RARB: variants seen among roughly 807,000 people sequenced by gnomAD.
The protein encoded by RARB is retinoic acid receptor beta, also known as HBV-activated protein.
A neutral mutation model predicts 51.9 loss-of-function variants in RARB; 17 were observed. The observed-to-expected ratio is 0.33, with a 90% CI of 0.22 to 0.49. RARB has a LOEUF of 0.49. Among genes scored for constraint, RARB ranks in the 20% least tolerant of loss-of-function variants. The pLI is 0.99. For synonymous variants in RARB, 215 were observed against 195.4 expected (o/e 1.10, Z -0.84); for missense variants, 369 against 550.8 (o/e 0.67, Z 3.30).
chr3:25,208,494 A>G (rs1575221231), intron 5 of RARB, among the ~76,000 whole-genome samples: 1 of 152,100 alleles, frequency 6.6e-6, no homozygotes, highest in East Asian at 1.9e-4. Flanking sequence ...TTCTATCAAT[A>G]AAGCCCATCT....
At chr3:25,368,564 T>C (rs970272779) in intron 5 of RARB, among the ~76,000 whole-genome samples, 7 of 152,210 alleles carry the variant, frequency 4.6e-5, no homozygotes, top group African/African-American at 7.2e-5. Context: ...GAGGTGGCAA[T>C]GTGCTTGTAA....
intron 5 of RARB, among the ~76,000 whole-genome samples, chr3:25,321,161 CAG>C (rs1229414473): frequency 6.6e-6 from 1 of 152,102 alleles, no homozygotes; most frequent in African/African-American, 2.4e-5. Flanking sequence ...CAGGGTTTTC[CAG>C]TACAATTATT....
chr3:25,576,659 GA>G (rs1700947068), intron 4 of RARB, among the ~76,000 whole-genome samples: 1 of 152,184 alleles, frequency 6.6e-6, no homozygotes, highest in African/African-American at 2.4e-5. Flanking sequence ...AGGCTGCTAG[GA>G]AATACTCGAA....
At position 24,886,390 on chromosome 3, in the gene RARB, T is replaced by C. The variant is rs565235121; in HGVS notation, c.-380+27638T>C. Among the ~76,000 whole-genome samples the C allele has an allele frequency of 1.2e-3, 190 of 152,162 alleles. 2 individuals carry two copies. The highest frequency in any genetic ancestry group is 4.4e-3 in the African/African-American group (184 of 41,518). On this transcript the variant is annotated intron_variant, in intron 2 of 11. Coordinates refer to the RARB transcript ENST00000383772. ...TCCTTAATTGAAAAGAGGACCGTTA[T>C]TGGAAAGGAAGTTTCATGATGCCCT...
intron 2 of RARB, among the ~76,000 whole-genome samples, chr3:24,977,093 G>C (rs1170908947): frequency 6.6e-6 from 1 of 152,034 alleles, no homozygotes; most frequent in African/African-American, 2.4e-5. Context: ...TTATTTTTGA[G>C]GCCTCTGTTC....
At chr3:25,121,635 A>AT (rs1342002154) in intron 3 of RARB, among the ~76,000 whole-genome samples, 1 of 152,098 alleles carries the variant, frequency 6.6e-6, no homozygotes, top group South Asian at 2.1e-4. Flanking sequence ...TGCAAAGAAT[A>AT]TTTTTTTATG....
At chr3:25,297,742 C>T (rs1214172740) in intron 5 of RARB, among the ~76,000 whole-genome samples, 1 of 152,072 alleles carries the variant, frequency 6.6e-6, no homozygotes, top group East Asian at 1.9e-4. Flanking sequence ...AGTCTAGTCT[C>T]ATGCATGGGA....
intron 5 of RARB, among the ~76,000 whole-genome samples, chr3:25,418,781 A>G (rs567311489): frequency 2.0e-5 from 3 of 152,260 alleles, no homozygotes; most frequent in Admixed American, 6.5e-5. Flanking sequence ...AACATCAAGC[A>G]TAAGGAATTT....
intron 3 of RARB, among the ~76,000 whole-genome samples, chr3:25,556,673 C>T (rs1177831093): frequency 1.3e-5 from 2 of 152,130 alleles, no homozygotes; most frequent in East Asian, 3.9e-4. Flanking sequence ...GTAAATCATG[C>T]CATTGACCAC....
At chr3:25,188,195 G>A (rs1363275129) in intron 5 of RARB, among the ~76,000 whole-genome samples, 1 of 151,938 alleles carries the variant, frequency 6.6e-6, no homozygotes, top group Non-Finnish European at 1.5e-5. Context: ...TCTGGGTCAG[G>A]GAATCATCCC....
chr3:25,019,155 TCAC>T (rs1697575716), intron 2 of RARB, among the ~76,000 whole-genome samples: 1 of 152,228 alleles, frequency 6.6e-6, no homozygotes, highest in East Asian at 1.9e-4. Context: ...TTTGAACACT[TCAC>T]CATAGCATCT....
chr3:25,325,928 C>T (rs761409928), intron 5 of RARB, among the ~76,000 whole-genome samples: 3 of 152,186 alleles, frequency 2.0e-5, no homozygotes, highest in Non-Finnish European at 2.9e-5. Context: ...CCAAGACCAA[C>T]AGATTCCAAA....
chr3:24,930,380 T>C (rs561336031), intron 2 of RARB, among the ~76,000 whole-genome samples: 33 of 152,134 alleles, frequency 2.2e-4, no homozygotes, highest in Non-Finnish European at 3.7e-4. Flanking sequence ...AACTGCAAAA[T>C]ATGGTTATAC....
At chr3:25,257,798 A>G (rs1702902741) in intron 5 of RARB, among the ~76,000 whole-genome samples, 1 of 151,970 alleles carries the variant, frequency 6.6e-6, no homozygotes, top group Non-Finnish European at 1.5e-5. Flanking sequence ...ATTTCTTCCC[A>G]AACCTTCTAA....
intron 5 of RARB, among the ~76,000 whole-genome samples, chr3:25,331,587 T>C (rs997982020): frequency 1.3e-5 from 2 of 152,098 alleles, no homozygotes; most frequent in Non-Finnish European, 2.9e-5. Flanking sequence ...AGATCTAAAA[T>C]TGACACCCTA....
chr3:25,436,936 G>A (rs1004072288), intron 1 of RARB, among the ~76,000 whole-genome samples: 4 of 152,012 alleles, frequency 2.6e-5, no homozygotes, highest in Admixed American at 6.5e-5. Flanking sequence ...ACACAGGATC[G>A]GTTTCTACAG....
At chr3:25,307,232 A>G (rs1255101470) in intron 5 of RARB, among the ~76,000 whole-genome samples, 1 of 152,004 alleles carries the variant, frequency 6.6e-6, no homozygotes, top group Non-Finnish European at 1.5e-5. Flanking sequence ...CTAAAAATAC[A>G]AAAAATTAGC....
At chr3:25,376,655 T>C (rs1245692898) in intron 5 of RARB, among the ~76,000 whole-genome samples, 1 of 152,232 alleles carries the variant, frequency 6.6e-6, no homozygotes, top group African/African-American at 2.4e-5. Context: ...ACACTGTTTC[T>C]TTTCTGTTGG....
At chr3:25,103,828 T>C (rs1475202492) in intron 3 of RARB, among the ~76,000 whole-genome samples, 1 of 152,246 alleles carries the variant, frequency 6.6e-6, no homozygotes, top group East Asian at 1.9e-4. Context: ...TTAGCCTTTT[T>C]CATTCTTTCT....
Sources: gnomAD v4.1 joint callset for allele counts (sites outside exome capture counted in the v4.1 genomes callset) on GRCh38, gnomAD v4.1.1 for gene constraint, MANE v1.5 for transcripts, NCBI Gene and HGNC (gene_info 2026-07-23, HGNC 2026-07-21) for gene names.